PCDH15: variants seen among roughly 807,000 people sequenced by gnomAD.
PCDH15 encodes the protein protocadherin-15.
In PCDH15, 129 loss-of-function variants were observed where a neutral mutation model predicts 178.5. The ratio of observed to expected loss-of-function variants is 0.72; its 90% CI spans 0.63 to 0.84. The LOEUF is 0.84. Among genes scored for constraint, PCDH15 ranks in the 40% least tolerant of loss-of-function variants. The probability of loss-of-function intolerance (pLI) is 0.00; values close to 1 mark genes in which losing one functional copy is unlikely to be tolerated. For missense variants in PCDH15, 2,230 were observed against 2,099.9 expected, an observed-to-expected ratio of 1.06 and a Z score of -1.21; for synonymous variants, 800 against 732.0, an observed-to-expected ratio of 1.09 and a Z score of -1.50.
At chr10:54,570,379 T>C (rs2089642542) in intron 2 of PCDH15, among the ~76,000 whole-genome samples, 1 of 152,196 alleles carries the variant, frequency 6.6e-6, no homozygotes, top group African/African-American at 2.4e-5. Flanking sequence ...GAATATATTA[T>C]AATATTTTCA....
chr10:53,992,163 G>A (rs905994895), intron 21 of PCDH15, among the ~76,000 whole-genome samples: 2 of 152,148 alleles, frequency 1.3e-5, no homozygotes, highest in Admixed American at 6.5e-5. Flanking sequence ...AACTCCAGAC[G>A]TGCTGCCTTA....
chr10:55,360,485 T>C (rs192800171), intron 2 of PCDH15, among the ~76,000 whole-genome samples: 1 of 151,660 alleles, frequency 6.6e-6, no homozygotes, highest in Non-Finnish European at 1.5e-5. Context: ...AAATTGTATA[T>C]CTAGGAAACA....
intron 3 of PCDH15, among the ~76,000 whole-genome samples, chr10:54,808,387 C>G (rs1952812144): frequency 6.6e-6 from 1 of 152,188 alleles, no homozygotes; most frequent in African/African-American, 2.4e-5. Flanking sequence ...AGAGGGAATA[C>G]AGAGTCTGAG....
chr10:55,375,495 G>C (rs1358348341), intron 2 of PCDH15, among the ~76,000 whole-genome samples: 2 of 152,000 alleles, frequency 1.3e-5, no homozygotes, highest in African/African-American at 4.8e-5. Context: ...CACAATTTCT[G>C]TATCAGAATA....
At chr10:54,621,137 T>C (rs774378020) in intron 2 of PCDH15, among the ~76,000 whole-genome samples, 1 of 152,014 alleles carries the variant, frequency 6.6e-6, no homozygotes, top group Non-Finnish European at 1.5e-5. Flanking sequence ...AGCTGATTCA[T>C]TCACAAATGC....
chr10:54,212,959 G>A (rs549889143), intron 10 of PCDH15, among the ~76,000 whole-genome samples: 30 of 151,906 alleles, frequency 2.0e-4, no homozygotes, highest in Admixed American at 1.3e-4. Context: ...CTAAAATTGC[G>A]GCAACAGTTC....
chr10:55,521,499 C>T (rs1589106830), intron 2 of PCDH15, among the ~76,000 whole-genome samples: 1 of 151,870 alleles, frequency 6.6e-6, no homozygotes, highest in East Asian at 1.9e-4. Context: ...TCATAGGAGG[C>T]CTGGAACTTA....
intron 2 of PCDH15, among the ~76,000 whole-genome samples, chr10:55,110,953 T>A (rs991230086): frequency 1.3e-5 from 2 of 152,166 alleles, no homozygotes; most frequent in African/African-American, 4.8e-5. Context: ...ATATCCTCTA[T>A]CTCACAAAAC....
intron 26 of PCDH15, among the ~76,000 whole-genome samples, chr10:53,890,251 C>T (rs961958524): frequency 6.6e-6 from 1 of 152,148 alleles, no homozygotes; most frequent in Non-Finnish European, 1.5e-5. Context: ...TACGGTGAAA[C>T]ACCATCTCTA....
intron 2 of PCDH15, among the ~76,000 whole-genome samples, chr10:55,525,330 C>T (rs1013480835): frequency 2.6e-5 from 4 of 151,754 alleles, no homozygotes; most frequent in Non-Finnish European, 5.9e-5. Context: ...TACAACCATC[C>T]AAGCTATGAA....
intron 3 of PCDH15, among the ~76,000 whole-genome samples, chr10:54,839,018 G>T (rs1335442089): frequency 6.6e-6 from 1 of 152,128 alleles, no homozygotes; most frequent in African/African-American, 2.4e-5. Context: ...GTCACCCTGA[G>T]AATCCAACAA....
chr10:54,357,528 G>T (rs1945222610), intron 5 of PCDH15, among the ~76,000 whole-genome samples: 1 of 152,088 alleles, frequency 6.6e-6, no homozygotes, highest in African/African-American at 2.4e-5. Flanking sequence ...ACAAACAAAT[G>T]GAAGAACATT....
intron 2 of PCDH15, among the ~76,000 whole-genome samples, chr10:55,523,675 A>G (rs1430976468): frequency 1.3e-5 from 2 of 151,606 alleles, no homozygotes; most frequent in East Asian, 3.9e-4. Context: ...AGCTTCTGGT[A>G]ACCATGATTT....
chr10:54,667,871 G>T (rs2094596882), intron 1 of PCDH15, among the ~76,000 whole-genome samples: 1 of 152,012 alleles, frequency 6.6e-6, no homozygotes, highest in South Asian at 2.1e-4. Context: ...TTATCATTTT[G>T]CAATCGTGAC....
chr10:54,503,264 T>TGTGTGTGTGTGTGTGTGA lies in PCDH15; in HGVS notation c.157+24547_157+24548insTCACACACACACACACAC, dbSNP rs35648214. Among the ~76,000 whole-genome samples the TGTGTGTGTGTGTGTGTGA allele has an allele frequency of 3.1e-3, 430 of 137,364 alleles. 7 individuals are homozygous for TGTGTGTGTGTGTGTGTGA. In the East Asian group the frequency reaches 0.033, roughly 10 times the overall value. The allele number at this position is 137,364 out of a possible 152,430, so 90.1% of individuals were successfully genotyped here. ...GTGTGTGTGTGTGTGTGTGTGTGTG[T>TGTGTGTGTGTGTGTGTGA]GATTATATATATTTATATATAATAT... is the stretch of plus-strand genomic sequence containing the variant. On this transcript the variant is annotated intron_variant, in intron 3 of 37. Coordinates refer to ENST00000644397, the MANE Select transcript of PCDH15 (RefSeq NM_001384140.1).
In PCDH15 at chr10:53,806,218, A is replaced by ATGTT. The variant is rs1361270742; in HGVS notation, c.*357_*360dup. On this transcript the variant is annotated 3_prime_UTR_variant, in exon 38 of 38. Transcript: ENST00000644397. ...GAAAATAAAATTACATGTACTAAAA[A>ATGTT]TGTTTTGTGGAGCTAGAAATAAAGC... 2 of 181,930 alleles carry ATGTT rather than the reference A, an allele frequency of 1.1e-5. No individual in the cohort carries two copies. The highest frequency in any genetic ancestry group is 2.4e-5 in the African/African-American group (1 of 41,874). The allele number at this position is 181,930 out of a possible 1,614,324, so 11.3% of individuals were successfully genotyped here.
chr10:54,222,409 T>C (rs1034184556), intron 9 of PCDH15, among the ~76,000 whole-genome samples: 2 of 152,230 alleles, frequency 1.3e-5, no homozygotes, highest in African/African-American at 4.8e-5. Context: ...TTTTTGAGAA[T>C]GACATTTAGA....
rs74137203 is a variant in PCDH15 at position 53,837,446 on chromosome 10, T to C, written c.3983+2874A>G. 6.5e-3 allele frequency among the ~76,000 whole-genome samples: 993 copies of C among 152,244 alleles called. 7 individuals carry two copies. The highest frequency in any genetic ancestry group is 0.022 in the African/African-American group (924 of 41,534). On this transcript the variant is annotated intron_variant, in intron 29 of 37. Transcript: ENST00000644397. ...AACATATCACTAAAAGTCATTCCAGTCCTGTCTATGCATTTATGAGCTTTT... is the reference window on the plus strand; with the variant it reads ...AACATATCACTAAAAGTCATTCCAGCCCTGTCTATGCATTTATGAGCTTTT...
chr10:54,375,150 A>G (rs556658828), intron 4 of PCDH15, among the ~76,000 whole-genome samples: 1 of 152,240 alleles, frequency 6.6e-6, no homozygotes, highest in Admixed American at 6.6e-5. Flanking sequence ...ATAGATTCAA[A>G]CCAGTGAGTA....
Sources: allele counts gnomAD v4.1 joint callset (sites outside exome capture counted in the v4.1 genomes callset), GRCh38; gene constraint gnomAD v4.1.1; transcripts MANE v1.5; gene names NCBI Gene and HGNC (gene_info 2026-07-23, HGNC 2026-07-21).